Variants in DDX18 observed in about 807,000 individuals in gnomAD.
DDX18 encodes the protein ATP-dependent RNA helicase DDX18.
In DDX18, 23 loss-of-function variants were observed where a neutral mutation model predicts 73.5. The ratio of observed to expected loss-of-function variants is 0.31; its 90% CI spans 0.23 to 0.44. DDX18 has a LOEUF of 0.44. DDX18 is among the 20% of genes least tolerant of loss of function. DDX18 has a pLI of 1.00. For synonymous variants in DDX18, 268 were observed against 282.7 expected (o/e 0.95, Z 0.52); for missense variants, 753 against 792.9 (o/e 0.95, Z 0.60).
At position 117,826,297 on chromosome 2, in the gene DDX18, C is replaced by T. The variant is rs1448336138; in HGVS notation, c.1550C>T (p.Ala517Val). The change falls in exon 11 of 14, where the codon GCC (alanine) becomes GTC (valine). Residue 517 changes from alanine (A) to valine (V), a missense_variant. Around this residue, in one of 3 missense-constraint regions of DDX18, gnomAD observed 402 missense variants for 419.4 expected, o/e 0.96. Transcript: ENST00000263239. ...TATATTCATCGTGTGGGTAGAACAG[C>T]CAGAGGCCTAAATGGGAGAGGGCAT... ...KEYIHRVGRT[A>V]RGLNGRGHAL... The T allele has an allele frequency of 2.5e-6, 4 of 1,613,860 alleles. No individual in the cohort carries two copies. Among genetic ancestry groups the T allele is most frequent in the Non-Finnish European group, 3.4e-6 (4 of 1,179,968 alleles).
At chr2:117,822,113 A>G (rs1392747950) in intron 6 of DDX18, 34 bp from the exon 7 acceptor site, 3 of 1,613,828 alleles carry the variant, frequency 1.9e-6, no homozygotes, top group African/African-American at 1.3e-5. Context: ...TAAACTGACA[A>G]CTAATGGTTG....
In DDX18 at chr2:117,831,045, ACCTTT is replaced by A. The variant is rs769351535; in HGVS notation, c.*326_*330del. ...ACCATTTTAATATAATTCTTTTTGTACCTTTCCTTCTTGTTTTGCGAAGATTTTTG... is the reference window on the plus strand; with the variant it reads ...ACCATTTTAATATAATTCTTTTTGTACCTTCTTGTTTTGCGAAGATTTTTG... On this transcript the variant is annotated 3_prime_UTR_variant, in exon 14 of 14. Transcript: ENST00000263239. The A allele has an allele frequency of 1.6e-5, 4 of 256,968 alleles. No homozygotes were observed. Among genetic ancestry groups the A allele is most frequent in the Non-Finnish European group, 2.9e-5 (4 of 137,826 alleles). The allele number at this position is 256,968 out of a possible 1,614,324, so 15.9% of individuals were successfully genotyped here. A position where few individuals can be genotyped will look rare whatever the true frequency, so the allele number is the denominator to read the frequency against.
intron 1 of DDX18, chr2:117,815,082 C>G (rs533902182): frequency 1.7e-6 from 1 of 578,016 alleles, no homozygotes; most frequent in South Asian, 2.1e-5. Context: ...CAATCAGTGT[C>G]TTCTTACAAC....
At position 117,826,289 on chromosome 2, in the gene DDX18, T is replaced by C. The variant is rs770418706; in HGVS notation, c.1542T>C (p.Gly514=). ...DDPKEYIHRV[G]RTARGLNGRG... ...CAAAGGAATATATTCATCGTGTGGG[T>C]AGAACAGCCAGAGGCCTAAATGGGA... Residue 514 remains glycine, a synonymous_variant, in exon 11 of 14, where the codon GGT becomes GGC. Coordinates refer to ENST00000263239, the MANE Select transcript of DDX18 (RefSeq NM_006773.4). 5 of 1,613,798 alleles carry C rather than the reference T, an allele frequency of 3.1e-6. No homozygotes were observed. In the African/African-American group the frequency reaches 6.7e-5, roughly 22 times the overall value.
At chr2:117,825,316 G>T in intron 9 of DDX18, 131 bp from the exon 10 acceptor site, 1 of 1,281,090 alleles carries the variant, frequency 7.8e-7, no homozygotes, top group Non-Finnish European at 1.1e-6. Flanking sequence ...GGGGCTTGCG[G>T]AACAGTTGGG....
intron 7 of DDX18, among the ~76,000 whole-genome samples, chr2:117,824,079 C>G (rs1679886568): frequency 6.6e-6 from 1 of 152,112 alleles, no homozygotes; most frequent in Non-Finnish European, 1.5e-5. Flanking sequence ...TGTATATGTG[C>G]TCACGAATTG....
rs1243598997 is a variant in DDX18 at position 117,821,854 on chromosome 2, A to G, written c.752-8A>G. The G allele has an allele frequency of 1.1e-5, 18 of 1,613,804 alleles. No homozygotes were observed. The highest frequency in any genetic ancestry group is 1.4e-5 in the Non-Finnish European group (16 of 1,179,896). ...CACATTTAGACTTCTACCATATATC[A>G]TTTTTAGGAACAGGAGTCCTTATTC... On this transcript the variant is annotated splice_polypyrimidine_tract_variant and splice_region_variant and intron_variant, in intron 5 of 13. Coordinates refer to ENST00000263239, the MANE Select transcript of DDX18 (RefSeq NM_006773.4).
chr2:117,821,835 T>G (rs1679851219), intron 5 of DDX18, 27 bp from the exon 6 acceptor site: 1 of 1,613,572 alleles, frequency 6.2e-7, no homozygotes, highest in Non-Finnish European at 8.5e-7. Context: ...CAGCCACATT[T>G]AGACTTCTAC....
At chr2:117,823,414 C>G (rs1236936376) in intron 7 of DDX18, among the ~76,000 whole-genome samples, 1 of 152,142 alleles carries the variant, frequency 6.6e-6, no homozygotes, top group Non-Finnish European at 1.5e-5. Context: ...ATTAAAATTT[C>G]AAGTTCCAAT....
chr2:117,821,226 A>G lies in DDX18; in HGVS notation c.580A>G (p.Ile194Val). 10 of 1,612,354 alleles carry G rather than the reference A, an allele frequency of 6.2e-6. No individual in the cohort carries two copies. Among genetic ancestry groups the G allele is most frequent in the Non-Finnish European group, 8.5e-6 (10 of 1,179,206 alleles). The change falls in exon 4 of 14, where the codon ATA (isoleucine) becomes GTA (valine). Residue 194 changes from isoleucine (I) to valine (V), a missense_variant. Transcript: ENST00000263239. The stretch of plus-strand genomic sequence containing the variant: ...TGTCAATGAAAACACTCTGAAGGCA[A>G]TAAAAGAAATGGGTTTTACAAACAT... ...NLVNENTLKAIKEMGFTNMTE... is the reference protein window; with the variant it reads ...NLVNENTLKAVKEMGFTNMTE...
Position 117,824,329 on chromosome 2 carries a change from G to C in DDX18, c.1067-240G>C, listed in dbSNP as rs971903311. 3 of 337,530 alleles carry C rather than the reference G, an allele frequency of 8.9e-6. No homozygotes were observed. The East Asian group carries it at 1.4e-4, about 16-fold the overall frequency. 20.9% of individuals were successfully genotyped at this position (337,530 alleles called of 1,614,324 possible). On this transcript the variant is annotated intron_variant, in intron 7 of 13. Coordinates refer to ENST00000263239, the MANE Select transcript of DDX18 (RefSeq NM_006773.4). ...TTTAGTAGATATAAGGCTATTTAAA[G>C]TTTTCCTATTTTCTTCAGTTGTTTG...
At chr2:117,818,154 C>T (rs1175322622) in intron 2 of DDX18, among the ~76,000 whole-genome samples, 1 of 151,988 alleles carries the variant, frequency 6.6e-6, no homozygotes, top group Non-Finnish European at 1.5e-5. Context: ...CTAAGAATGG[C>T]AGGAGGAAAA....
chr2:117,819,627 ATT>A lies in DDX18; in HGVS notation c.371-19_371-18del. 1 of 1,545,972 alleles carries A rather than the reference ATT, an allele frequency of 6.5e-7. No homozygotes were observed. Among genetic ancestry groups the A allele is most frequent in the Non-Finnish European group, 8.7e-7 (1 of 1,151,162 alleles). On this transcript the variant is annotated intron_variant, in intron 2 of 13. Coordinates refer to ENST00000263239, the MANE Select transcript of DDX18 (RefSeq NM_006773.4). ...CTATTTTAAGGAAAAATTTTTTCGG[ATT>A]TTGTCTTTTAAAACCAAAGATACGA...
intron 10 of DDX18, 74 bp from the exon 11 acceptor site, chr2:117,826,195 C>A: frequency 8.0e-7 from 1 of 1,256,612 alleles, no homozygotes; most frequent in Non-Finnish European, 1.1e-6. Flanking sequence ...CATGCACATA[C>A]TCAGGATGCA....
At position 117,829,021 on chromosome 2, in the gene DDX18, A is replaced by G. The variant is rs1453557682; in HGVS notation, c.1692+16A>G. The G allele has an allele frequency of 2.5e-6, 4 of 1,606,526 alleles. No homozygotes were observed. Among genetic ancestry groups the G allele is most frequent in the Non-Finnish European group, 3.4e-6 (4 of 1,173,352 alleles). On this transcript the variant is annotated intron_variant, in intron 12 of 13. Coordinates refer to ENST00000263239, the MANE Select transcript of DDX18 (RefSeq NM_006773.4). Reference sequence around the variant, plus strand: ...TCAGTCTCAGGTATGTGCTTTTTAAACGTTTGTGAGTAAACAGGAACCTTG... The same window carrying G: ...TCAGTCTCAGGTATGTGCTTTTTAAGCGTTTGTGAGTAAACAGGAACCTTG...
chr2:117,820,751 G>A (rs910967574), intron 3 of DDX18, among the ~76,000 whole-genome samples: 3 of 152,108 alleles, frequency 2.0e-5, no homozygotes, highest in African/African-American at 7.2e-5. Context: ...TCTTGTTGGA[G>A]TGAGATTAAC....
At chr2:117,822,322 T>C in intron 7 of DDX18, 61 bp downstream of exon 7, 1 of 1,361,112 alleles carries the variant, frequency 7.3e-7, no homozygotes, top group Non-Finnish European at 1.0e-6. Context: ...ATAAGAGTTG[T>C]TCCTATAGAA....
At chr2:117,820,055 C>T (rs1346093925) in intron 3 of DDX18, among the ~76,000 whole-genome samples, 1 of 152,112 alleles carries the variant, frequency 6.6e-6, no homozygotes, top group African/African-American at 2.4e-5. Flanking sequence ...TTCTAGGATT[C>T]CTTGGTTTGT....
At chr2:117,816,870 G>A (rs900449692) in intron 1 of DDX18, among the ~76,000 whole-genome samples, 2 of 152,172 alleles carry the variant, frequency 1.3e-5, no homozygotes, top group East Asian at 1.9e-4. Flanking sequence ...TAATCTTATG[G>A]AGCCACTGTA....
Sources: gnomAD v4.1 joint callset for allele counts (sites outside exome capture counted in the v4.1 genomes callset) on GRCh38, gnomAD v4.1.1 for gene constraint, gnomAD v4.1.1 regional missense constraint, MANE v1.5 for transcripts, NCBI Gene and HGNC (gene_info 2026-07-23, HGNC 2026-07-21) for gene names.